IDUA: variants seen among roughly 807,000 people sequenced by gnomAD.
IDUA encodes the protein alpha-L-iduronidase.
IDUA carries 65 observed loss-of-function variants against 68.9 expected under a neutral mutation model. That is an observed-to-expected ratio of 0.94 (90% CI 0.77 to 1.16). The LOEUF (loss-of-function observed/expected upper bound fraction) is 1.16. IDUA is among the 50% of genes most tolerant of loss of function. The pLI is 0.00. For missense variants in IDUA, 1,046 were observed against 938.0 expected (o/e 1.12, Z -1.50); for synonymous variants, 529 against 433.6 (o/e 1.22, Z -2.73).
rs375656420 is a variant in IDUA, at chr4:989,121, C to T, written c.299+1172C>T. ...CGATGACCACTGTGTGGAAGCCGGC[C>T]GCTGCGGGCACCAGCGCAGCCCTGG... On this transcript the variant is annotated intron_variant, in intron 2 of 13. Coordinates refer to ENST00000514224, the MANE Select transcript of IDUA (RefSeq NM_000203.5). 135 of 1,606,268 alleles carry T rather than the reference C, an allele frequency of 8.4e-5. No homozygotes were observed. The East Asian group carries it at 9.2e-4, about 11-fold the overall frequency.
chr4:998,183 G>T (rs1343347162), intron 2 of IDUA, among the ~76,000 whole-genome samples: 4 of 152,202 alleles, frequency 2.6e-5, no homozygotes, highest in Admixed American at 2.6e-4. Flanking sequence ...GCTCCTGCTG[G>T]ACACCCAGCC....
intron 2 of IDUA, chr4:990,945 C>T (rs991235147): frequency 2.4e-5 from 15 of 618,088 alleles, no homozygotes; most frequent in Non-Finnish European, 2.7e-5. Context: ...TCCACAGCCT[C>T]TCCGCGTCGG....
intron 2 of IDUA, chr4:988,494 A>T: frequency 8.8e-7 from 1 of 1,133,976 alleles, no homozygotes; most frequent in Non-Finnish European, 1.1e-6. Context: ...TGGAGGCTGC[A>T]TGATGGCGGG....
chr4:1,003,975 C>T (rs1715286412), intron 12 of IDUA, 37 bp from the exon 13 acceptor site: 2 of 1,543,800 alleles, frequency 1.3e-6, no homozygotes, highest in Non-Finnish European at 9.0e-7. Flanking sequence ...TGAGGACTGT[C>T]TTGACCCCAG....
At position 1,001,510 on chromosome 4, in the gene IDUA, C is replaced by G. The variant is rs776098539; in HGVS notation, c.536C>G (p.Thr179Arg). Residue 179 changes from threonine to arginine, a missense_variant, in exon 5 of 14, where the codon ACG becomes AGG. By Grantham distance (71) the Thr-to-Arg change is moderately conservative (BLOSUM62 -1). Coordinates refer to ENST00000514224, the MANE Select transcript of IDUA (RefSeq NM_000203.5). The part of the protein sequence containing the change: ...LAHVSKWNFE[T>R]WNEPDHHDFD... ...CATGTTTCCAAGTGGAACTTCGAGA[C>G]GTGGAATGAGCCAGACCACCACGAC... The G allele has an allele frequency of 6.2e-7, 1 of 1,613,208 alleles. No individual in the cohort carries two copies. Among genetic ancestry groups the G allele is most frequent in the Non-Finnish European group, 8.5e-7 (1 of 1,179,952 alleles).
In IDUA at chr4:991,872, C is replaced by G. The variant is rs529344333; in HGVS notation, c.299+3923C>G. ...TTGGTGCTGGGCCTTCTCCTGGCAGCGCGGGCCCCAGCCCCCTGCCCGGTA... is the reference window on the plus strand; with the variant it reads ...TTGGTGCTGGGCCTTCTCCTGGCAGGGCGGGCCCCAGCCCCCTGCCCGGTA... On this transcript the variant is annotated intron_variant, in intron 2 of 13. Coordinates refer to ENST00000514224, the MANE Select transcript of IDUA (RefSeq NM_000203.5). The G allele has an allele frequency of 3.1e-5, 45 of 1,471,508 alleles. No homozygotes were observed. The South Asian group carries it at 4.6e-4, about 15-fold the overall frequency. The allele number at this position is 1,471,508 out of a possible 1,614,324, so 91.2% of individuals were successfully genotyped here.
intron 2 of IDUA, chr4:988,735 G>C: frequency 2.1e-6 from 3 of 1,432,554 alleles, no homozygotes; most frequent in Non-Finnish European, 2.7e-6. Flanking sequence ...TGCAGCTCTT[G>C]GGTGGCTCCT....
chr4:1,001,476 G>C lies in IDUA; in HGVS notation c.502G>C (p.Gly168Arg), dbSNP rs753308650. The C allele has an allele frequency of 1.9e-5, 31 of 1,612,906 alleles. No individual in the cohort carries two copies. The South Asian group carries it at 3.1e-4, about 16-fold the overall frequency. The change falls in exon 5 of 14, where the codon GGA (glycine) becomes CGA (arginine). Residue 168 changes from glycine (G) to arginine (R), a missense_variant. Physicochemically the swap from Gly to Arg is moderately radical, Grantham distance 125 (BLOSUM62 -2). Transcript: ENST00000514224. ...GCAAGGCTCCTCTGCAGGTAGGTAC[G>C]GACTGGCGCATGTTTCCAAGTGGAA... is the stretch of plus-strand genomic sequence containing the variant. ...SLARRYIGRY[G>R]LAHVSKWNFE... is the part of the protein sequence containing the mutation.
At position 1,004,540 on chromosome 4, in the gene IDUA, C is replaced by T. The variant is rs1042711553; in HGVS notation, c.*147C>T. ...TTTTATATCTTGGTACCAACGCCCC[C>T]TTTAAAGCGGCTTTGCACAGGTCAG... On this transcript the variant is annotated 3_prime_UTR_variant, in exon 14 of 14. Transcript: ENST00000514224. This position sits in a 1 kb window ranked among gnomAD's most constrained non-coding sequence, Gnocchi z 5.0. 3.7e-4 allele frequency: 312 copies of T among 836,624 alleles called. No individual in the cohort carries two copies. Among genetic ancestry groups the T allele is most frequent in the Non-Finnish European group, 5.0e-4 (279 of 555,750 alleles). The allele number at this position is 836,624 out of a possible 1,614,324, so 51.8% of individuals were successfully genotyped here.
At chr4:1,002,187 C>A in intron 7 of IDUA, 26 bp downstream of exon 7, 4 of 1,560,094 alleles carry the variant, frequency 2.6e-6, no homozygotes, top group Non-Finnish European at 3.5e-6. Flanking sequence ...GCCCTGCGCG[C>A]CCCCCGGCCA....
chr4:989,110 T>A (rs1713994220), intron 2 of IDUA: 1 of 1,605,022 alleles, frequency 6.2e-7, no homozygotes, highest in Non-Finnish European at 8.5e-7. Context: ...GACCACTGTG[T>A]GGAAGCCGGC....
chr4:996,868 C>T (rs967397718), intron 2 of IDUA, among the ~76,000 whole-genome samples: 5 of 152,120 alleles, frequency 3.3e-5, no homozygotes, highest in African/African-American at 9.7e-5. Flanking sequence ...CCTGTGCACG[C>T]GCAGGGCTGC....
At position 999,520 on chromosome 4, in the gene IDUA, T is replaced by C. The variant is rs528016220; in HGVS notation, c.300-1092T>C. On this transcript the variant is annotated intron_variant, in intron 2 of 13. Coordinates refer to ENST00000514224, the MANE Select transcript of IDUA (RefSeq NM_000203.5). Reference sequence around the variant, plus strand: ...TTAGGTGTCTCCTCAGAGAGGTCCCTCGCTGACCATCAGGCTCCTCACTCC... The same window carrying C: ...TTAGGTGTCTCCTCAGAGAGGTCCCCCGCTGACCATCAGGCTCCTCACTCC... Among the ~76,000 whole-genome samples the C allele has an allele frequency of 9.8e-5, 15 of 152,382 alleles. No homozygotes were observed. The South Asian group carries it at 3.1e-3, about 32-fold the overall frequency.
Position 988,493 on chromosome 4 carries a change from C to T in IDUA, c.299+544C>T, listed in dbSNP as rs914855128. 7.1e-6 allele frequency: 8 copies of T among 1,134,734 alleles called. No homozygotes were observed. The African/African-American group carries it at 1.3e-4, about 18-fold the overall frequency. The allele number at this position is 1,134,734 out of a possible 1,614,324, so 70.3% of individuals were successfully genotyped here. A position where few individuals can be genotyped will look rare whatever the true frequency, so the allele number is the denominator to read the frequency against. ...AGTCCTCTTGGCACCTTGGAGGCTG[C>T]ATGATGGCGGGGGACCCTTGTTCAA... On this transcript the variant is annotated intron_variant, in intron 2 of 13. Coordinates refer to ENST00000514224, the MANE Select transcript of IDUA (RefSeq NM_000203.5).
At chr4:1,003,887 G>A in intron 12 of IDUA, 125 bp from the exon 13 acceptor site, 1 of 902,306 alleles carries the variant, frequency 1.1e-6, no homozygotes, top group Non-Finnish European at 1.9e-6. Flanking sequence ...GTGCCCAGGG[G>A]CTGGGGAGGT....
chr4:991,283 G>A (rs1714290890), intron 2 of IDUA: 1 of 1,612,720 alleles, frequency 6.2e-7, no homozygotes, highest in Non-Finnish European at 8.5e-7. Context: ...GCCAGCTGGA[G>A]CTCCCGGTCC....
intron 2 of IDUA, chr4:989,046 C>T: frequency 6.3e-7 from 1 of 1,582,718 alleles, no homozygotes; most frequent in Non-Finnish European, 8.6e-7. Flanking sequence ...GGCGCAGGTC[C>T]TGCAGCGTGC....
In IDUA at chr4:1,004,229, C is replaced by T. The variant is rs1242502398; in HGVS notation, c.1829-31C>T. ...GGGGGCTTTCGGGTGGGGGCAGGTT[C>T]CGGTTGGCACACATGTCCCCTTGTC... is the stretch of plus-strand genomic sequence containing the variant. On this transcript the variant is annotated intron_variant, in intron 13 of 13. Transcript: ENST00000514224. This position sits in a 1 kb window ranked among gnomAD's most constrained non-coding sequence, Gnocchi z 5.0. 4.3e-6 allele frequency: 7 copies of T among 1,609,546 alleles called. No individual in the cohort carries two copies. Among genetic ancestry groups the T allele is most frequent in the Non-Finnish European group, 5.9e-6 (7 of 1,179,982 alleles).
At chr4:987,521 G>A (rs1259838797) in intron 1 of IDUA, 3 of 929,396 alleles carry the variant, frequency 3.2e-6, no homozygotes, top group South Asian at 1.8e-5. Flanking sequence ...CCTGCAGCGG[G>A]ACCTGGCCTG....
Sources: allele counts gnomAD v4.1 joint callset (sites outside exome capture counted in the v4.1 genomes callset), GRCh38; gene constraint gnomAD v4.1.1; non-coding constraint Gnocchi (gnomAD v3.1); transcripts MANE v1.5; gene names NCBI Gene and HGNC (gene_info 2026-07-23, HGNC 2026-07-21).